COL25A1: variants seen among roughly 807,000 people sequenced by gnomAD.
The protein encoded by COL25A1 is collagen type XXV alpha 1 chain.
Under a neutral mutation model 128.4 loss-of-function variants are expected in COL25A1, and 103 were observed. That is an observed-to-expected ratio of 0.80 (90% CI 0.68 to 0.94). The LOEUF is 0.94. COL25A1 is among the 40% of genes least tolerant of loss of function. The probability of loss-of-function intolerance (pLI) is 0.00; values close to 1 mark genes in which losing one functional copy is unlikely to be tolerated. For synonymous variants in COL25A1, 279 were observed against 277.2 expected (o/e 1.01, Z -0.06); for missense variants, 745 against 840.0 (o/e 0.89, Z 1.40).
chr4:109,118,298 C>A (rs1376538795), intron 3 of COL25A1, among the ~76,000 whole-genome samples: 1 of 151,528 alleles, frequency 6.6e-6, no homozygotes, highest in Non-Finnish European at 1.5e-5. Flanking sequence ...TGCATAGTGA[C>A]CCCAGTTAAT....
Position 108,894,918 on chromosome 4 carries a change from C to A in COL25A1, c.906+1749G>T, listed in dbSNP as rs78735922. 3.1e-3 allele frequency among the ~76,000 whole-genome samples: 479 copies of A among 152,256 alleles called. 8 individuals carry two copies. The highest frequency in any genetic ancestry group is 0.027 in the East Asian group (140 of 5,184). ...CTCAACTGTGGGTGGCTTTGTCCCC[C>A]AGGTAACGTTTGACAATACCTGGAG... On this transcript the variant is annotated intron_variant, in intron 16 of 37. Transcript: ENST00000399132.
At chr4:108,813,987 T>C in intron 37 of COL25A1, 58 bp from the exon 38 acceptor site, 1 of 1,356,654 alleles carries the variant, frequency 7.4e-7, no homozygotes. Flanking sequence ...TGAATTAAAA[T>C]TTTAAATCAA....
At chr4:108,865,779 AG>A in intron 20 of COL25A1, among the ~76,000 whole-genome samples, 1 of 152,304 alleles carries the variant, frequency 6.6e-6, no homozygotes, top group Admixed American at 6.5e-5. Flanking sequence ...ATTTTTAGAG[AG>A]GGGACCTTGC....
chr4:109,248,648 C>T (rs1016469491), intron 3 of COL25A1, among the ~76,000 whole-genome samples: 4 of 152,150 alleles, frequency 2.6e-5, no homozygotes, highest in Admixed American at 2.0e-4. Flanking sequence ...ACTAGTACTT[C>T]GCAGCTGCCA....
At chr4:109,264,241 G>A (rs1312229999) in intron 3 of COL25A1, among the ~76,000 whole-genome samples, 1 of 152,182 alleles carries the variant, frequency 6.6e-6, no homozygotes, top group African/African-American at 2.4e-5. Flanking sequence ...AGTGCGACCA[G>A]GAGAGGGAAG....
chr4:109,249,321 T>C (rs1780493491), intron 3 of COL25A1, among the ~76,000 whole-genome samples: 1 of 152,184 alleles, frequency 6.6e-6, no homozygotes, highest in African/African-American at 2.4e-5. Flanking sequence ...GTGATCTTCA[T>C]ACCTCATGTC....
At chr4:109,240,505 C>A (rs1160720740) in intron 3 of COL25A1, among the ~76,000 whole-genome samples, 1 of 152,052 alleles carries the variant, frequency 6.6e-6, no homozygotes, top group Non-Finnish European at 1.5e-5. Context: ...TGTCTAAAAT[C>A]TCCCATCCTT....
intron 19 of COL25A1, among the ~76,000 whole-genome samples, chr4:108,871,828 A>G (rs528366487): frequency 1.5e-4 from 23 of 152,298 alleles, no homozygotes; most frequent in Non-Finnish European, 2.9e-4. Context: ...CATTCTCTCT[A>G]TATCTTGGCA....
At chr4:109,120,589 G>C (rs1768021299) in intron 3 of COL25A1, among the ~76,000 whole-genome samples, 1 of 151,962 alleles carries the variant, frequency 6.6e-6, no homozygotes, top group South Asian at 2.1e-4. Context: ...CTAGTGGATT[G>C]CTTGAGCCCA....
At chr4:109,044,515 G>A (rs1688545491) in intron 5 of COL25A1, among the ~76,000 whole-genome samples, 1 of 152,062 alleles carries the variant, frequency 6.6e-6, no homozygotes, top group South Asian at 2.1e-4. Flanking sequence ...CACTATTGGA[G>A]CACATTTCAT....
chr4:108,836,899 C>T (rs888164498), intron 31 of COL25A1, among the ~76,000 whole-genome samples: 2 of 151,884 alleles, frequency 1.3e-5, no homozygotes, highest in Admixed American at 6.6e-5. Context: ...GCCAACGTGG[C>T]GAAACCCTGT....
chr4:109,116,360 C>T (rs188481959), intron 3 of COL25A1, among the ~76,000 whole-genome samples: 6 of 152,140 alleles, frequency 3.9e-5, no homozygotes, highest in East Asian at 1.9e-4. Flanking sequence ...TAGCCTGTTG[C>T]GATTTTATCA....
At chr4:109,257,132 T>C (rs1781136541) in intron 3 of COL25A1, among the ~76,000 whole-genome samples, 1 of 152,220 alleles carries the variant, frequency 6.6e-6, no homozygotes, top group African/African-American at 2.4e-5. Flanking sequence ...ATATCATTCA[T>C]AACATCTGTA....
At chr4:108,972,320 T>C (rs1347401543) in intron 8 of COL25A1, among the ~76,000 whole-genome samples, 1 of 152,196 alleles carries the variant, frequency 6.6e-6, no homozygotes, top group Non-Finnish European at 1.5e-5. Flanking sequence ...AAGAATACCG[T>C]GCCTAAATAG....
intron 3 of COL25A1, among the ~76,000 whole-genome samples, chr4:109,110,542 C>G (rs757942140): frequency 6.6e-6 from 1 of 152,094 alleles, no homozygotes; most frequent in Non-Finnish European, 1.5e-5. Context: ...GCTCTCATAT[C>G]ACTCCTGATC....
rs185831901 is a variant in COL25A1 at position 109,197,966 on chromosome 4, C to G, written c.367+102617G>C. Among the ~76,000 whole-genome samples the G allele has an allele frequency of 2.3e-3, 345 of 152,254 alleles. 1 individual carries two copies. Among genetic ancestry groups the G allele is most frequent in the African/African-American group, 7.6e-3 (317 of 41,548 alleles). On this transcript the variant is annotated intron_variant, in intron 3 of 37. Transcript: ENST00000399132. ...TTGTCAATATTACATTCACCCAACA[C>G]ATTTTCTCATTCATCAAAACATATA... is the stretch of plus-strand genomic sequence containing the variant.
At position 108,985,085 on chromosome 4, in the gene COL25A1, A is replaced by G. The variant is rs145120275; in HGVS notation, c.439-10526T>C. 2.2e-3 allele frequency among the ~76,000 whole-genome samples: 331 copies of G among 152,272 alleles called. 1 individual carries two copies. The highest frequency in any genetic ancestry group is 7.8e-3 in the African/African-American group (324 of 41,554). ...GCTTGTCTACCATTCTCCTTCTTCC[A>G]ATGTATATTGGATCTCCCTCCTTTT... On this transcript the variant is annotated intron_variant, in intron 6 of 37. Transcript: ENST00000399132.
intron 3 of COL25A1, among the ~76,000 whole-genome samples, chr4:109,102,997 T>G (rs558120407): frequency 6.6e-6 from 1 of 152,200 alleles, no homozygotes; most frequent in Non-Finnish European, 1.5e-5. Context: ...TTATAAATCA[T>G]GTAAATACTA....
intron 3 of COL25A1, among the ~76,000 whole-genome samples, chr4:109,070,027 T>C (rs1402083511): frequency 1.3e-5 from 2 of 150,556 alleles, no homozygotes; most frequent in African/African-American, 2.4e-5. Context: ...GAGGCCAAGG[T>C]GGGCAGATCA....
Sources: allele counts gnomAD v4.1 joint callset (sites outside exome capture counted in the v4.1 genomes callset), GRCh38; gene constraint gnomAD v4.1.1; transcripts MANE v1.5; gene names NCBI Gene and HGNC (gene_info 2026-07-23, HGNC 2026-07-21).